The following ATP6V0E1 variants were observed in gnomAD, a reference collection of about 807,000 sequenced individuals.
ATP6V0E1 encodes ATPase H+ transporting V0 subunit e1, also known as V-type proton ATPase subunit e 1.
ATP6V0E1 carries 4 observed loss-of-function variants against 11.6 expected under a neutral mutation model. The observed-to-expected ratio is 0.35, with a 90% confidence interval of 0.17 to 0.79. The LOEUF (loss-of-function observed/expected upper bound fraction) is 0.79, where lower values mean the gene tolerates loss of function less well. ATP6V0E1 is among the 30% of genes least tolerant of loss of function. ATP6V0E1 has a pLI of 0.54. For synonymous variants in ATP6V0E1, 36 were observed against 34.8 expected, an observed-to-expected ratio of 1.04 and a Z score of -0.13; for missense variants, 105 against 100.0, an observed-to-expected ratio of 1.05 and a Z score of -0.21.
At chr5:173,025,470 G>A (rs1428561231) in intron 3 of ATP6V0E1, among the ~76,000 whole-genome samples, 2 of 134,050 alleles carry the variant, frequency 1.5e-5, no homozygotes, top group Non-Finnish European at 3.2e-5. Flanking sequence ...CTTAATAACA[G>A]TAACTTTTAT....
intron 3 of ATP6V0E1, among the ~76,000 whole-genome samples, chr5:173,030,978 T>C (rs1009848998): frequency 8.6e-5 from 13 of 151,330 alleles, no homozygotes; most frequent in Non-Finnish European, 1.6e-4. Context: ...GGAGTCTTGC[T>C]CTGTCGCCCA....
chr5:172,993,678 G>GCCCCC (rs1336557292), intron 1 of ATP6V0E1, among the ~76,000 whole-genome samples: 1 of 96,108 alleles, frequency 1.0e-5, no homozygotes, highest in Non-Finnish European at 1.9e-5. Flanking sequence ...AACATATTGA[G>GCCCCC]ACCCCCCCCC....
At chr5:172,987,912 T>G (rs954896650) in intron 1 of ATP6V0E1, among the ~76,000 whole-genome samples, 1 of 151,484 alleles carries the variant, frequency 6.6e-6, no homozygotes, top group African/African-American at 2.4e-5. Flanking sequence ...AGGGTCTCTC[T>G]TTGTTGCCCA....
At position 172,987,354 on chromosome 5, in the gene ATP6V0E1, G is replaced by T. The variant is rs557233912; in HGVS notation, c.104+3390G>T. Among the ~76,000 whole-genome samples, 7 of 150,962 alleles carry T rather than the reference G, an allele frequency of 4.6e-5. No individual in the cohort carries two copies. In the South Asian group the frequency reaches 1.3e-3, roughly 27 times the overall value. ...GCTGGAGTGCAGTGGTGCCATCTTG[G>T]CTCACTGCAACCTCCACCTGCTGGA... On this transcript the variant is annotated intron_variant, in intron 1 of 3. Coordinates refer to ENST00000519374, the MANE Select transcript of ATP6V0E1 (RefSeq NM_003945.4).
At chr5:173,007,190 G>A (rs1278798986) in intron 2 of ATP6V0E1, among the ~76,000 whole-genome samples, 1 of 152,070 alleles carries the variant, frequency 6.6e-6, no homozygotes, top group Non-Finnish European at 1.5e-5. Flanking sequence ...GCCCAGGCTG[G>A]TCTTGAACTC....
chr5:173,021,400 T>C (rs184079163), intron 3 of ATP6V0E1, among the ~76,000 whole-genome samples: 130 of 152,222 alleles, frequency 8.5e-4, no homozygotes, highest in Middle Eastern at 3.4e-3. Context: ...TCTTACATGG[T>C]AGCAGCAAGA....
At chr5:172,991,066 G>A (rs1390150216) in intron 1 of ATP6V0E1, among the ~76,000 whole-genome samples, 1 of 151,996 alleles carries the variant, frequency 6.6e-6, no homozygotes, top group Non-Finnish European at 1.5e-5. Context: ...TGATCCTCCC[G>A]CCTCAGCCTC....
intron 2 of ATP6V0E1, among the ~76,000 whole-genome samples, chr5:173,001,469 C>T (rs780913379): frequency 5.3e-5 from 8 of 152,152 alleles, no homozygotes; most frequent in African/African-American, 1.7e-4. Context: ...TCACATGTCT[C>T]GGAATTTGCA....
chr5:173,021,132 G>T (rs905502563), intron 3 of ATP6V0E1, among the ~76,000 whole-genome samples: 3 of 152,090 alleles, frequency 2.0e-5, no homozygotes, highest in East Asian at 1.9e-4. Flanking sequence ...AAAGCAAAAG[G>T]GGGGCAGCCG....
intron 2 of ATP6V0E1, among the ~76,000 whole-genome samples, chr5:173,004,569 C>T (rs1358911312): frequency 6.6e-6 from 1 of 152,078 alleles, no homozygotes; most frequent in Non-Finnish European, 1.5e-5. Context: ...AAGGGATGCA[C>T]CATTGTTACA....
chr5:173,023,492 G>A (rs183882636), intron 3 of ATP6V0E1, among the ~76,000 whole-genome samples: 26 of 152,324 alleles, frequency 1.7e-4, no homozygotes, highest in South Asian at 4.1e-4. Flanking sequence ...CACCATTCCC[G>A]TCTGATTTTT....
chr5:172,998,601 C>T (rs1281261732), intron 2 of ATP6V0E1, among the ~76,000 whole-genome samples: 1 of 134,544 alleles, frequency 7.4e-6, no homozygotes, highest in African/African-American at 3.1e-5. Context: ...CAGAGTGAGA[C>T]TCCATCTTAA....
At chr5:173,009,588 C>T (rs1363275639) in intron 2 of ATP6V0E1, among the ~76,000 whole-genome samples, 2 of 151,330 alleles carry the variant, frequency 1.3e-5, no homozygotes, top group South Asian at 2.1e-4. Flanking sequence ...CCTCAGCCTC[C>T]GGAGTAGCTG....
At chr5:173,024,197 C>CAA (rs56837002) in intron 3 of ATP6V0E1, among the ~76,000 whole-genome samples, 95 of 73,320 alleles carry the variant, frequency 1.3e-3, no homozygotes, top group African/African-American at 1.8e-3. Context: ...GACTCCGTCT[C>CAA]AAAAAAAAAA....
intron 1 of ATP6V0E1, chr5:172,987,008 G>A (rs563186308): frequency 1.9e-5 from 4 of 215,782 alleles, no homozygotes; most frequent in South Asian, 5.0e-5. Context: ...GGATGGTCTC[G>A]ATCTCTTGAC....
At chr5:172,997,674 G>A (rs1436034283) in intron 2 of ATP6V0E1, among the ~76,000 whole-genome samples, 3 of 152,054 alleles carry the variant, frequency 2.0e-5, no homozygotes, top group Admixed American at 6.6e-5. Context: ...TTAGCCGAGC[G>A]TGGTGGTGGG....
At chr5:173,023,293 A>T (rs1756510798) in intron 3 of ATP6V0E1, among the ~76,000 whole-genome samples, 1 of 152,166 alleles carries the variant, frequency 6.6e-6, no homozygotes, top group African/African-American at 2.4e-5. Context: ...TCCTGAATTC[A>T]AGTGATTCTT....
rs879499084 is a variant in ATP6V0E1 at position 173,011,719 on chromosome 5, TC to T, written c.153-8518del. Among the ~76,000 whole-genome samples, 564 of 152,286 alleles carry T rather than the reference TC, an allele frequency of 3.7e-3. 2 individuals carry two copies. Among genetic ancestry groups the T allele is most frequent in the African/African-American group, 0.013 (540 of 41,544 alleles). ...ATAGCTGCCTCAATTGTTTGAATAA[TC>T]TCAGATTGGTTATTAAGGCTGGCCC... On this transcript the variant is annotated intron_variant, in intron 2 of 3. Transcript: ENST00000519374.
chr5:173,006,503 G>T (rs562602164), intron 2 of ATP6V0E1, among the ~76,000 whole-genome samples: 1 of 152,136 alleles, frequency 6.6e-6, no homozygotes, highest in Non-Finnish European at 1.5e-5. Context: ...CCAGCGACTC[G>T]GGAGGCTGAG....
Sources: allele counts gnomAD v4.1 joint callset (sites outside exome capture counted in the v4.1 genomes callset), GRCh38; gene constraint gnomAD v4.1.1; transcripts MANE v1.5; gene names NCBI Gene and HGNC (gene_info 2026-07-23, HGNC 2026-07-21).